Variants in STARD10 observed in about 807,000 individuals in gnomAD.
STARD10 encodes START domain-containing protein 10.
In STARD10, 24 loss-of-function variants were observed where a neutral mutation model predicts 36.0. The ratio of observed to expected loss-of-function variants is 0.67; its 90% CI spans 0.48 to 0.94. STARD10 has a LOEUF of 0.94. Ranked by LOEUF, STARD10 falls within the 40% of genes least tolerant of loss-of-function variation. The pLI is 0.00. For synonymous variants in STARD10, 156 were observed against 161.9 expected (o/e 0.96, Z 0.28); for missense variants, 335 against 396.6 (o/e 0.84, Z 1.32).
intron 1 of STARD10, among the ~76,000 whole-genome samples, chr11:72,789,593 T>A (rs1859116007): frequency 6.6e-6 from 1 of 152,230 alleles, no homozygotes; most frequent in African/African-American, 2.4e-5. Context: ...ACAGGGGGTC[T>A]GGCCATGTCT....
At chr11:72,787,619 A>C (rs1325504301) in intron 1 of STARD10, among the ~76,000 whole-genome samples, 1 of 152,210 alleles carries the variant, frequency 6.6e-6, no homozygotes, top group Non-Finnish European at 1.5e-5. Context: ...CCTGCCAGGA[A>C]CTCAGTTCGA....
chr11:72,788,173 G>A (rs556906402), intron 1 of STARD10, among the ~76,000 whole-genome samples: 4 of 152,278 alleles, frequency 2.6e-5, no homozygotes, highest in African/African-American at 9.6e-5. Flanking sequence ...GGGACCATAC[G>A]CTGGGACATT....
intron 2 of STARD10, among the ~76,000 whole-genome samples, chr11:72,773,811 T>C (rs1858895508): frequency 6.6e-6 from 1 of 152,222 alleles, no homozygotes; most frequent in Non-Finnish European, 1.5e-5. Flanking sequence ...ATTTAGTTGT[T>C]TGCTTCTATT....
chr11:72,781,147 C>T lies in STARD10; in HGVS notation c.35G>A (p.Gly12Glu). ...EKLAASTEPQ[G>E]PRPVLGRESV... The stretch of plus-strand genomic sequence containing the variant: ...CTCACGGCCCAGGACCGGCCGAGGC[C>T]CTTGGGGCTCTGTAGAGGCCGCCAG... Residue 12 changes from glycine (G) to glutamate (E), a missense_variant, in exon 2 of 7, where the codon GGG becomes GAG. Coordinates refer to ENST00000334805, the MANE Select transcript of STARD10 (RefSeq NM_006645.3). The surrounding 1 kb of genome is among the most constrained non-coding windows in gnomAD (Gnocchi z 4.7). The T allele has an allele frequency of 6.2e-7, 1 of 1,612,738 alleles. No homozygotes were observed. The highest frequency in any genetic ancestry group is 8.5e-7 in the Non-Finnish European group (1 of 1,179,992).
intron 2 of STARD10, among the ~76,000 whole-genome samples, chr11:72,762,469 TA>T (rs1465701648): frequency 6.6e-6 from 1 of 152,050 alleles, no homozygotes; most frequent in East Asian, 1.9e-4. Flanking sequence ...TGTGTCACCC[TA>T]AACAATTCAC....
chr11:72,768,783 C>T (rs1858824109), intron 2 of STARD10, among the ~76,000 whole-genome samples: 2 of 152,232 alleles, frequency 1.3e-5, no homozygotes, highest in Non-Finnish European at 2.9e-5. Context: ...ATTCATTTGC[C>T]TGCAATGCTG....
chr11:72,777,365 CA>C (rs1300574510), intron 2 of STARD10, among the ~76,000 whole-genome samples: 1 of 152,246 alleles, frequency 6.6e-6, no homozygotes, highest in Non-Finnish European at 1.5e-5. Flanking sequence ...GACGGGCAAG[CA>C]GCCCAGAGAG....
At chr11:72,779,147 T>C (rs1858960608) in intron 2 of STARD10, among the ~76,000 whole-genome samples, 1 of 152,118 alleles carries the variant, frequency 6.6e-6, no homozygotes, top group South Asian at 2.1e-4. Context: ...CTTTCTGGAG[T>C]GCCAGCTTGG....
chr11:72,774,143 G>T (rs1226269851), intron 2 of STARD10, among the ~76,000 whole-genome samples: 1 of 152,180 alleles, frequency 6.6e-6, no homozygotes, highest in African/African-American at 2.4e-5. Flanking sequence ...GGGAGATGGA[G>T]GTGGTAACAA....
At chr11:72,772,725 C>T (rs1252346849) in intron 2 of STARD10, among the ~76,000 whole-genome samples, 1 of 152,204 alleles carries the variant, frequency 6.6e-6, no homozygotes, top group Admixed American at 6.5e-5. Flanking sequence ...GTCCTCCCCA[C>T]CCTGGTTCTG....
chr11:72,758,423 TG>T, intron 4 of STARD10, 106 bp downstream of exon 4: 1 of 830,640 alleles, frequency 1.2e-6, no homozygotes, highest in South Asian at 1.4e-5. Context: ...TGAGGGCCAG[TG>T]GGCCCATGCC....
At chr11:72,758,048 A>G (rs186224401) in intron 4 of STARD10, 164 bp from the exon 5 acceptor site, 1 of 694,634 alleles carries the variant, frequency 1.4e-6, no homozygotes, top group Non-Finnish European at 2.6e-6. Flanking sequence ...AAAGGGAAGA[A>G]CCAGAGTAGG....
intron 2 of STARD10, among the ~76,000 whole-genome samples, chr11:72,764,764 C>A (rs1858763963): frequency 6.6e-6 from 1 of 152,212 alleles, no homozygotes; most frequent in Non-Finnish European, 1.5e-5. Context: ...TACCAGGAAC[C>A]CCCAGCTATT....
At chr11:72,768,442 C>A (rs1371681914) in intron 2 of STARD10, among the ~76,000 whole-genome samples, 1 of 151,898 alleles carries the variant, frequency 6.6e-6, no homozygotes, top group Non-Finnish European at 1.5e-5. Flanking sequence ...TCACTTTACA[C>A]TCCCCCCGCC....
chr11:72,761,718 T>C (rs1201189100), intron 2 of STARD10, among the ~76,000 whole-genome samples: 2 of 151,716 alleles, frequency 1.3e-5, no homozygotes, highest in Non-Finnish European at 2.9e-5. Flanking sequence ...TGCTCCAGCC[T>C]GGGTGACAGA....
intron 1 of STARD10, among the ~76,000 whole-genome samples, chr11:72,789,064 C>T (rs916587795): frequency 3.6e-5 from 4 of 110,498 alleles, no homozygotes; most frequent in Non-Finnish European, 7.8e-5. Flanking sequence ...CCAGGCTGGT[C>T]TCGAACTTCT....
chr11:72,761,279 G>A (rs1019918804), intron 2 of STARD10, among the ~76,000 whole-genome samples: 1 of 152,102 alleles, frequency 6.6e-6, no homozygotes, highest in Non-Finnish European at 1.5e-5. Context: ...AAGGGGCTGG[G>A]TGGGACTGAC....
chr11:72,786,074 G>C (rs1017418086), intron 1 of STARD10: 1 of 152,550 alleles, frequency 6.6e-6, no homozygotes, highest in Non-Finnish European at 1.5e-5. Context: ...GCAGCAGGCC[G>C]GGCGCGGTGG....
At chr11:72,790,044 C>T (rs756839344) in intron 1 of STARD10, among the ~76,000 whole-genome samples, 1 of 152,238 alleles carries the variant, frequency 6.6e-6, no homozygotes. Flanking sequence ...CACAATCCTG[C>T]AGCAGCCACA....
Sources: gnomAD v4.1 joint callset for allele counts (sites outside exome capture counted in the v4.1 genomes callset) on GRCh38, gnomAD v4.1.1 for gene constraint, Gnocchi (gnomAD v3.1) non-coding constraint, MANE v1.5 for transcripts, NCBI Gene and HGNC (gene_info 2026-07-23, HGNC 2026-07-21) for gene names.